NAV3: variants seen among roughly 807,000 people sequenced by gnomAD.
NAV3 encodes neuron navigator 3, also known as pore membrane and/or filament interacting like protein 1.
In NAV3, 87 loss-of-function variants were observed where a neutral mutation model predicts 244.7. The observed-to-expected ratio is 0.36, with a 90% CI of 0.30 to 0.42. The LOEUF is 0.42. NAV3 is among the 20% of genes least tolerant of loss of function. The pLI, the probability that NAV3 is intolerant of heterozygous loss-of-function variation, is 1.00. For synonymous variants in NAV3, 1,126 were observed against 1,042.2 expected (o/e 1.08, Z -1.55); for missense variants, 2,663 against 2,893.3 (o/e 0.92, Z 1.83).
chr12:78,135,007 C>T (rs1460623677), intron 18 of NAV3, among the ~76,000 whole-genome samples: 1 of 151,974 alleles, frequency 6.6e-6, no homozygotes, highest in Admixed American at 6.6e-5. Flanking sequence ...ATCTTATAGT[C>T]CTTTTATTCT....
chr12:77,670,050 T>G (rs1873896982), intron 2 of NAV3, among the ~76,000 whole-genome samples: 1 of 152,070 alleles, frequency 6.6e-6, no homozygotes, highest in African/African-American at 2.4e-5. Flanking sequence ...GATAGACCAT[T>G]CTTGAGGTTA....
At chr12:77,626,642 T>C (rs183656705) in intron 2 of NAV3, among the ~76,000 whole-genome samples, 20 of 152,164 alleles carry the variant, frequency 1.3e-4, no homozygotes, top group Non-Finnish European at 2.2e-4. Flanking sequence ...TAGTATGATA[T>C]ATTCAAAGTG....
At chr12:77,652,985 G>A (rs1467786173) in intron 2 of NAV3, among the ~76,000 whole-genome samples, 1 of 152,208 alleles carries the variant, frequency 6.6e-6, no homozygotes, top group Non-Finnish European at 1.5e-5. Flanking sequence ...TTCAATGGAT[G>A]TTAATAGGGT....
chr12:77,665,570 A>C (rs1310063254), intron 2 of NAV3, among the ~76,000 whole-genome samples: 1 of 152,216 alleles, frequency 6.6e-6, no homozygotes, highest in African/African-American at 2.4e-5. Context: ...TGGGAAGATA[A>C]GGACTGAGGA....
chr12:77,700,384 A>T (rs1875506618), intron 2 of NAV3, among the ~76,000 whole-genome samples: 1 of 152,176 alleles, frequency 6.6e-6, no homozygotes, highest in Non-Finnish European at 1.5e-5. Context: ...AAGCAATTTG[A>T]TAGAGAGAAA....
intron 3 of NAV3, among the ~76,000 whole-genome samples, chr12:77,945,361 G>A (rs867734284): frequency 2.6e-5 from 4 of 152,064 alleles, no homozygotes; most frequent in Non-Finnish European, 5.9e-5. Flanking sequence ...TGTCATAAAA[G>A]GTTATGATGG....
rs575909786 is a variant in NAV3, at chr12:78,064,511, T to A, written c.2636+5396T>A. On this transcript the variant is annotated intron_variant, in intron 12 of 39. Transcript: ENST00000397909. ...TCTTTGGTGTCCCTCTCTCTTCTTA[T>A]AAGGGCACCAGTGCTATTAGATTAG... Among the ~76,000 whole-genome samples, 7 of 152,062 alleles carry A rather than the reference T, an allele frequency of 4.6e-5. No individual in the cohort carries two copies. In the East Asian group the frequency reaches 1.4e-3, roughly 29 times the overall value.
At chr12:77,896,318 G>C (rs1036458355) in intron 1 of NAV3, among the ~76,000 whole-genome samples, 13 of 152,128 alleles carry the variant, frequency 8.5e-5, no homozygotes, top group African/African-American at 3.1e-4. Flanking sequence ...ACCACAAAAG[G>C]ATCCCAAACT....
At chr12:77,955,741 A>C (rs1184963099) in intron 3 of NAV3, among the ~76,000 whole-genome samples, 1 of 152,070 alleles carries the variant, frequency 6.6e-6, no homozygotes, top group South Asian at 2.1e-4. Context: ...ATGGTGGTGC[A>C]CACCTGTAGT....
At chr12:78,071,195 C>T (rs1952745785) in intron 12 of NAV3, among the ~76,000 whole-genome samples, 1 of 152,120 alleles carries the variant, frequency 6.6e-6, no homozygotes, top group African/African-American at 2.4e-5. Flanking sequence ...CCTATTTCTC[C>T]ACATCATCTC....
intron 2 of NAV3, among the ~76,000 whole-genome samples, chr12:77,771,555 A>C (rs1163915071): frequency 6.6e-6 from 1 of 152,238 alleles, no homozygotes; most frequent in Non-Finnish European, 1.5e-5. Flanking sequence ...AAAATGTGGC[A>C]CATATACACC....
At chr12:77,609,945 T>C (rs769631734) in intron 2 of NAV3, among the ~76,000 whole-genome samples, 2 of 152,048 alleles carry the variant, frequency 1.3e-5, no homozygotes, top group Non-Finnish European at 2.9e-5. Flanking sequence ...TCCCCACTTC[T>C]GTGGGCCAAT....
chr12:77,595,178 G>A (rs1405239723), intron 2 of NAV3, among the ~76,000 whole-genome samples: 1 of 151,914 alleles, frequency 6.6e-6, no homozygotes. Context: ...ATGGGTTAAC[G>A]GATAAAGACA....
At chr12:78,075,408 C>T (rs1048815923) in intron 12 of NAV3, among the ~76,000 whole-genome samples, 11 of 151,590 alleles carry the variant, frequency 7.3e-5, no homozygotes, top group Non-Finnish European at 1.3e-4. Context: ...ATACTAAAAC[C>T]GACTTGAGAA....
intron 1 of NAV3, among the ~76,000 whole-genome samples, chr12:77,881,051 C>A (rs960392263): frequency 6.6e-6 from 1 of 152,176 alleles, no homozygotes; most frequent in African/African-American, 2.4e-5. Flanking sequence ...GCATTACAGC[C>A]TCAAACTCCT....
intron 1 of NAV3, among the ~76,000 whole-genome samples, chr12:77,907,124 T>G (rs1565909781): frequency 6.6e-6 from 1 of 152,182 alleles, no homozygotes; most frequent in Non-Finnish European, 1.5e-5. Context: ...GAATTTCCTG[T>G]GTGACAGGCT....
At chr12:78,058,369 T>G (rs1883826659) in intron 11 of NAV3, among the ~76,000 whole-genome samples, 1 of 152,112 alleles carries the variant, frequency 6.6e-6, no homozygotes, top group African/African-American at 2.4e-5. Context: ...TATAAAACCA[T>G]CAGATCTCGT....
chr12:78,041,960 T>C (rs35828433), intron 9 of NAV3, among the ~76,000 whole-genome samples: 21,235 of 152,086 alleles, frequency 0.14, 1,584 homozygotes, highest in Middle Eastern at 0.21. Context: ...TCTTCCATCC[T>C]GTTTCCATTC....
intron 2 of NAV3, among the ~76,000 whole-genome samples, chr12:77,735,107 A>C (rs711153): frequency 0.54 from 81,859 of 151,856 alleles, 22,820 homozygotes; most frequent in East Asian, 0.86. Flanking sequence ...GATATCAAGG[A>C]CATGATATTG....
Sources: gnomAD v4.1 joint callset for allele counts (sites outside exome capture counted in the v4.1 genomes callset) on GRCh38, gnomAD v4.1.1 for gene constraint, MANE v1.5 for transcripts, NCBI Gene and HGNC (gene_info 2026-07-23, HGNC 2026-07-21) for gene names.